The following RFTN1 variants were observed in gnomAD, a reference collection of about 807,000 sequenced individuals.
RFTN1 encodes the protein raftlin.
In RFTN1, 26 loss-of-function variants were observed where a neutral mutation model predicts 46.5. The observed-to-expected ratio is 0.56, with a 90% CI of 0.41 to 0.78. The LOEUF (loss-of-function observed/expected upper bound fraction) is 0.78, where lower values mean the gene tolerates loss of function less well. Ranked by LOEUF, RFTN1 falls within the 30% of genes least tolerant of loss-of-function variation. RFTN1 has a pLI of 0.00. For missense variants in RFTN1, 693 were observed against 718.7 expected, an observed-to-expected ratio of 0.96 and a Z score of 0.41; for synonymous variants, 261 against 284.2, an observed-to-expected ratio of 0.92 and a Z score of 0.82.
chr3:16,323,611 G>C (rs2069336550), intron 8 of RFTN1, among the ~76,000 whole-genome samples, 154 bp from the exon 9 acceptor site: 1 of 152,104 alleles, frequency 6.6e-6, no homozygotes, highest in South Asian at 2.1e-4. Flanking sequence ...CCGCTCCCAG[G>C]CCATCCAACC....
At chr3:16,399,792 A>G (rs1426807047) in intron 4 of RFTN1, among the ~76,000 whole-genome samples, 1 of 152,156 alleles carries the variant, frequency 6.6e-6, no homozygotes, top group Non-Finnish European at 1.5e-5. Flanking sequence ...CAAAGGGCCC[A>G]TTAATCCAAC....
chr3:16,370,113 C>CA lies in RFTN1; in HGVS notation c.992dup (p.Met331IlefsTer14). On this transcript the variant is annotated frameshift_variant, in exon 6 of 10. Coordinates refer to ENST00000334133, the MANE Select transcript of RFTN1 (RefSeq NM_015150.2). LOFTEE classifies it high-confidence loss of function. The surrounding 1 kb of genome is among the most constrained non-coding windows in gnomAD (Gnocchi z 5.5). ...CAAGGTAGAAGACTGCGTTCACCAG[C>CA]ATGCCTCCTTTCCGGAAGTGGTCGC... The CA allele has an allele frequency of 6.2e-7, 1 of 1,614,240 alleles. No individual in the cohort carries two copies. The highest frequency in any genetic ancestry group is 2.2e-5 in the East Asian group (1 of 44,888).
chr3:16,359,688 T>C (rs2072702363), intron 6 of RFTN1, among the ~76,000 whole-genome samples: 1 of 152,226 alleles, frequency 6.6e-6, no homozygotes. Context: ...AAGTGTCTGT[T>C]GTTTAAGCCA....
Position 16,484,782 on chromosome 3 carries a change from C to T in RFTN1, c.145+8943G>A, listed in dbSNP as rs191872098. On this transcript the variant is annotated intron_variant, in intron 2 of 9. Coordinates refer to ENST00000334133, the MANE Select transcript of RFTN1 (RefSeq NM_015150.2). This position sits in a 1 kb window ranked among gnomAD's most constrained non-coding sequence, Gnocchi z 4.6. ...AAGGCTTTGCTGTTCAGTAAAACTA[C>T]AAGATATCCTGCAAAGCTCCAAGTG... is the stretch of plus-strand genomic sequence containing the variant. 1 of 152,334 alleles carries T rather than the reference C, an allele frequency of 6.6e-6. No homozygotes were observed. The highest frequency in any genetic ancestry group is 6.5e-5 in the Admixed American group (1 of 15,310). 9.4% of individuals were successfully genotyped at this position (152,334 alleles called of 1,614,324 possible).
intron 1 of RFTN1, among the ~76,000 whole-genome samples, chr3:16,510,773 G>T (rs2076886358): frequency 6.6e-6 from 1 of 152,274 alleles, no homozygotes; most frequent in African/African-American, 2.4e-5. Flanking sequence ...ACTACTAGGT[G>T]TTTACCCATG....
intron 1 of RFTN1, among the ~76,000 whole-genome samples, chr3:16,510,261 G>T (rs1268752340): frequency 6.6e-6 from 1 of 152,098 alleles, no homozygotes; most frequent in Non-Finnish European, 1.5e-5. Context: ...AAATCCAAGG[G>T]GACTCTCCAC....
Position 16,409,368 on chromosome 3 carries a change from C to T in RFTN1, c.441+7G>A, listed in dbSNP as rs769313379. 5.7e-6 allele frequency: 9 copies of T among 1,584,222 alleles called. No individual in the cohort carries two copies. Among genetic ancestry groups the T allele is most frequent in the East Asian group, 2.2e-5 (1 of 44,684 alleles). On this transcript the variant is annotated splice_region_variant and intron_variant, in intron 4 of 9. Coordinates refer to ENST00000334133, the MANE Select transcript of RFTN1 (RefSeq NM_015150.2). ...CTCTTCAATGGTACCCTGACTGTAG[C>T]GCTCACCTTCTTAATGAACTCTGGG...
Position 16,434,037 on chromosome 3 carries a change from G to C in RFTN1, c.146C>G (p.Ala49Gly), listed in dbSNP as rs532776757. The C allele has an allele frequency of 6.3e-7, 1 of 1,589,074 alleles. No homozygotes were observed. The highest frequency in any genetic ancestry group is 8.5e-7 in the Non-Finnish European group (1 of 1,170,272). ...CACTGCTGAGGACCCAGGGAGCTCCGCTGGAGTGGAGAGAGGAGAGGCTCA... is the reference window on the plus strand; with the variant it reads ...CACTGCTGAGGACCCAGGGAGCTCCCCTGGAGTGGAGAGAGGAGAGGCTCA... The part of the protein sequence containing the change: ...RFLEFTTLSA[A>G]ELPGSSAVRL... The change falls in exon 3 of 10, where the codon GCG becomes GGG. Residue 49 changes from alanine to glycine, a missense_variant and splice_region_variant. Physicochemically the swap from Ala to Gly is moderately conservative, Grantham distance 60 (BLOSUM62 0). Transcript: ENST00000334133.
chr3:16,323,305 ATGC>A (rs2069293820), intron 9 of RFTN1, 68 bp downstream of exon 9: 1 of 1,186,082 alleles, frequency 8.4e-7, no homozygotes, highest in Admixed American at 1.8e-5. Context: ...GCCCCCTCAA[ATGC>A]TGCAGAAAAT....
intron 2 of RFTN1, among the ~76,000 whole-genome samples, chr3:16,441,299 T>TAAAAAAAAAAAA (rs59877269): frequency 1.7e-4 from 8 of 47,512 alleles, no homozygotes; most frequent in East Asian, 5.0e-4. Context: ...TTCCAAGAAC[T>TAAAAAAAAAAAA]AAAAAAAAAA....
At chr3:16,487,119 A>G (rs993951591) in intron 2 of RFTN1, among the ~76,000 whole-genome samples, 3 of 152,206 alleles carry the variant, frequency 2.0e-5, no homozygotes, top group African/African-American at 7.2e-5. Context: ...CTCCAGAACT[A>G]TGAGAAAATA....
In RFTN1 at chr3:16,507,142, A is replaced by G. The variant is rs1368934229; in HGVS notation, c.-9+6300T>C. Among the ~76,000 whole-genome samples, 1 of 152,230 alleles carries G rather than the reference A, an allele frequency of 6.6e-6. No homozygotes were observed. The highest frequency in any genetic ancestry group is 6.5e-5 in the Admixed American group (1 of 15,286). On this transcript the variant is annotated intron_variant, in intron 1 of 9. Coordinates refer to ENST00000334133, the MANE Select transcript of RFTN1 (RefSeq NM_015150.2). The surrounding 1 kb of genome is among the most constrained non-coding windows in gnomAD (Gnocchi z 7.1). The stretch of plus-strand genomic sequence containing the variant: ...TTCTAGGGTGAGGACTAAATAAGGT[A>G]GGGTGAGTTACTATTTAACAGGGCT...
In RFTN1 at chr3:16,380,839, C is replaced by T. The variant is rs1368227320; in HGVS notation, c.442-2737G>A. On this transcript the variant is annotated intron_variant, in intron 4 of 9. Coordinates refer to ENST00000334133, the MANE Select transcript of RFTN1 (RefSeq NM_015150.2). The surrounding 1 kb of genome is among the most constrained non-coding windows in gnomAD (Gnocchi z 4.8). ...AATGATGTCTGACATATAGCAGGTC[C>T]TCAATAAATATCTGTTGAATGAATG... Among the ~76,000 whole-genome samples, 1 of 152,174 alleles carries T rather than the reference C, an allele frequency of 6.6e-6. No homozygotes were observed. The highest frequency in any genetic ancestry group is 2.4e-5 in the African/African-American group (1 of 41,430).
chr3:16,357,912 G>T lies in RFTN1; in HGVS notation c.1146+20C>A, dbSNP rs772793538. On this transcript the variant is annotated intron_variant, in intron 7 of 9. Coordinates refer to ENST00000334133, the MANE Select transcript of RFTN1 (RefSeq NM_015150.2). Reference sequence around the variant, plus strand: ...GTGCTGTCTAAACAAAAGAAGCGGGGCTGCCAACCCCACACTTACTTCCAG... The same window carrying T: ...GTGCTGTCTAAACAAAAGAAGCGGGTCTGCCAACCCCACACTTACTTCCAG... 4.8e-6 allele frequency: 7 copies of T among 1,469,046 alleles called. No individual in the cohort carries two copies. Among genetic ancestry groups the T allele is most frequent in the Middle Eastern group, 1.7e-4 (1 of 5,820 alleles). 91.0% of individuals were successfully genotyped at this position (1,469,046 alleles called of 1,614,324 possible).
At chr3:16,366,144 T>TGGGCAAGGCA (rs2073155431) in intron 6 of RFTN1, among the ~76,000 whole-genome samples, 1 of 139,096 alleles carries the variant, frequency 7.2e-6, no homozygotes, top group Non-Finnish European at 1.5e-5. Context: ...AGAGGAATGC[T>TGGGCAAGGCA]GGGCAAGGCA....
rs1186891933 is a variant in RFTN1 at position 16,385,868 on chromosome 3, AGAC to A, written c.442-7769_442-7767del. 4.6e-5 allele frequency among the ~76,000 whole-genome samples: 7 copies of A among 152,184 alleles called. No individual in the cohort carries two copies. Among genetic ancestry groups the A allele is most frequent in the East Asian group, 3.8e-4 (2 of 5,200 alleles). ...CATTCAGAACAGGATTCTGGAGCAA[AGAC>A]GACCTTGGCCCATGAGAACTGCCAT... On this transcript the variant is annotated intron_variant, in intron 4 of 9. Coordinates refer to ENST00000334133, the MANE Select transcript of RFTN1 (RefSeq NM_015150.2). The surrounding 1 kb of genome is among the most constrained non-coding windows in gnomAD (Gnocchi z 5.0).
intron 3 of RFTN1, among the ~76,000 whole-genome samples, chr3:16,409,733 G>A (rs1296742150): frequency 6.7e-6 from 1 of 148,956 alleles, no homozygotes; most frequent in African/African-American, 2.5e-5. Flanking sequence ...CGCCCAGGCT[G>A]GAGTGCAGTG....
chr3:16,462,539 G>T lies in RFTN1; in HGVS notation c.146-28502C>A, dbSNP rs115128829. On this transcript the variant is annotated intron_variant, in intron 2 of 9. Transcript: ENST00000334133. ...GGCAGACACACAGGAGAGGACATAGGTACATGGAGAAGAAGGCAATATGAA... is the reference window on the plus strand; with the variant it reads ...GGCAGACACACAGGAGAGGACATAGTTACATGGAGAAGAAGGCAATATGAA... 7.7e-3 allele frequency among the ~76,000 whole-genome samples: 1,177 copies of T among 152,312 alleles called. 18 individuals carry two copies. Among genetic ancestry groups the T allele is most frequent in the African/African-American group, 0.027 (1,113 of 41,570 alleles).
rs3815962 is a variant in RFTN1 at position 16,493,722 on chromosome 3, C to T, written c.145+3G>A. ...CCCATCCATTCCCACCCCATGTACT[C>T]ACCAGCACTCAGAGTCGTGAACTCC... On this transcript the variant is annotated splice_donor_region_variant and intron_variant, in intron 2 of 9. Transcript: ENST00000334133. 0.39 allele frequency: 614,897 copies of T among 1,595,870 alleles called. 119,246 individuals are homozygous for T. Among genetic ancestry groups the T allele is most frequent in the South Asian group, 0.49 (44,382 of 90,808 alleles).
Sources: allele counts gnomAD v4.1 joint callset (sites outside exome capture counted in the v4.1 genomes callset), GRCh38; gene constraint gnomAD v4.1.1; non-coding constraint Gnocchi (gnomAD v3.1); transcripts MANE v1.5; gene names NCBI Gene and HGNC (gene_info 2026-07-23, HGNC 2026-07-21).